Variants in NELL1 observed in about 807,000 individuals in gnomAD.
NELL1 encodes the protein neural EGFL like 1.
In NELL1, 76 loss-of-function variants were observed where a neutral mutation model predicts 107.4. That is an observed-to-expected ratio of 0.71 (90% CI 0.59 to 0.86). NELL1 has a LOEUF of 0.86. Ranked by LOEUF, NELL1 falls within the 40% of genes least tolerant of loss-of-function variation. NELL1 has a pLI of 0.00. For synonymous variants in NELL1, 353 were observed against 341.2 expected (o/e 1.03, Z -0.38); for missense variants, 1,024 against 1,005.5 (o/e 1.02, Z -0.25).
intron 14 of NELL1, among the ~76,000 whole-genome samples, chr11:21,244,139 A>G (rs1858432054): frequency 6.6e-6 from 1 of 152,190 alleles, no homozygotes; most frequent in African/African-American, 2.4e-5. Context: ...AATGAGTAAC[A>G]TTCATTAAAC....
chr11:21,512,576 T>C (rs1855464005), intron 15 of NELL1, among the ~76,000 whole-genome samples: 1 of 152,148 alleles, frequency 6.6e-6, no homozygotes, highest in Admixed American at 6.6e-5. Flanking sequence ...AATTCAACTT[T>C]GTGCCCCTAG....
chr11:21,215,014 G>T (rs1036024770), intron 13 of NELL1, among the ~76,000 whole-genome samples: 2 of 152,068 alleles, frequency 1.3e-5, no homozygotes, highest in Non-Finnish European at 2.9e-5. Context: ...TGTACTATAG[G>T]TATATAGGAT....
At chr11:21,268,605 T>C (rs550697294) in intron 14 of NELL1, among the ~76,000 whole-genome samples, 1 of 152,230 alleles carries the variant, frequency 6.6e-6, no homozygotes, top group African/African-American at 2.4e-5. Context: ...ACTTGTGAAA[T>C]TCATAGTTCA....
intron 13 of NELL1, among the ~76,000 whole-genome samples, chr11:21,204,264 GT>G (rs1857339291): frequency 6.6e-6 from 1 of 151,920 alleles, no homozygotes; most frequent in Non-Finnish European, 1.5e-5. Flanking sequence ...TGTAGATTTA[GT>G]TTTTTCACAC....
chr11:21,415,355 G>A (rs2133815295), intron 15 of NELL1, among the ~76,000 whole-genome samples: 1 of 152,180 alleles, frequency 6.6e-6, no homozygotes, highest in Admixed American at 6.5e-5. Context: ...TAGTGATTTA[G>A]GCAGGGTAGG....
At chr11:21,497,818 C>G (rs1376661088) in intron 15 of NELL1, among the ~76,000 whole-genome samples, 2 of 151,886 alleles carry the variant, frequency 1.3e-5, no homozygotes, top group Non-Finnish European at 1.5e-5. Context: ...AGTATTCACT[C>G]TTTGTAATTA....
intron 14 of NELL1, among the ~76,000 whole-genome samples, chr11:21,350,988 G>T (rs1429619958): frequency 6.6e-6 from 1 of 151,986 alleles, no homozygotes; most frequent in African/African-American, 2.4e-5. Context: ...GTATCATCTT[G>T]GATTTAGCAT....
intron 15 of NELL1, among the ~76,000 whole-genome samples, chr11:21,527,101 C>T (rs919486689): frequency 1.3e-5 from 2 of 152,180 alleles, no homozygotes; most frequent in African/African-American, 4.8e-5. Context: ...ATTTCTTCCA[C>T]CAGATACCCT....
intron 15 of NELL1, among the ~76,000 whole-genome samples, chr11:21,431,451 A>G (rs1271422588): frequency 6.6e-6 from 1 of 152,214 alleles, no homozygotes; most frequent in Non-Finnish European, 1.5e-5. Context: ...AGTACCTTGA[A>G]TAATGTCTAG....
At chr11:21,513,706 T>C (rs1014956792) in intron 15 of NELL1, among the ~76,000 whole-genome samples, 2 of 152,200 alleles carry the variant, frequency 1.3e-5, no homozygotes, top group African/African-American at 4.8e-5. Context: ...AAACCAATAA[T>C]CAACTTCCAG....
At chr11:21,315,943 T>C (rs942775337) in intron 14 of NELL1, among the ~76,000 whole-genome samples, 4 of 151,960 alleles carry the variant, frequency 2.6e-5, no homozygotes, top group Admixed American at 2.6e-4. Context: ...GGCTATGGAG[T>C]GTTTTAAAAG....
intron 2 of NELL1, among the ~76,000 whole-genome samples, chr11:20,751,283 G>A (rs530906904): frequency 2.0e-5 from 3 of 151,572 alleles, no homozygotes; most frequent in Non-Finnish European, 2.9e-5. Flanking sequence ...TTTTGATTTG[G>A]ATTGCATTAA....
chr11:21,298,456 T>C (rs1332935809), intron 14 of NELL1, among the ~76,000 whole-genome samples: 3 of 152,026 alleles, frequency 2.0e-5, no homozygotes, highest in African/African-American at 7.2e-5. Context: ...CAGAGTGAGC[T>C]CACCTCTCTG....
chr11:21,358,565 ATTT>A (rs75578174), intron 14 of NELL1, among the ~76,000 whole-genome samples: 989 of 97,690 alleles, frequency 0.01, 20 homozygotes, highest in African/African-American at 0.034. Context: ...TGCCCTGATA[ATTT>A]TTTTTTTTTT....
intron 5 of NELL1, among the ~76,000 whole-genome samples, chr11:20,889,769 C>G (rs900537936): frequency 1.3e-5 from 2 of 152,128 alleles, no homozygotes. Flanking sequence ...GAGAGCCACA[C>G]GGGAAAGGGG....
At chr11:20,778,743 A>T (rs868331161) in intron 2 of NELL1, among the ~76,000 whole-genome samples, 1 of 152,102 alleles carries the variant, frequency 6.6e-6, no homozygotes, top group Non-Finnish European at 1.5e-5. Context: ...AACTACCTTT[A>T]TGCAATGGTA....
At position 20,736,680 on chromosome 11, in the gene NELL1, T is replaced by C. The variant is rs1253522433; in HGVS notation, c.185-47000T>C. 2.0e-5 allele frequency among the ~76,000 whole-genome samples: 3 copies of C among 152,112 alleles called. No homozygotes were observed. In the East Asian group the frequency reaches 5.8e-4, roughly 29 times the overall value. On this transcript the variant is annotated intron_variant, in intron 2 of 19. Transcript: ENST00000357134. ...TCTTTATTTTCACCATAACAAGGGATATATTTCTAAAATGTTTAAAGGAAA... is the reference window on the plus strand; with the variant it reads ...TCTTTATTTTCACCATAACAAGGGACATATTTCTAAAATGTTTAAAGGAAA...
intron 4 of NELL1, among the ~76,000 whole-genome samples, chr11:20,848,014 T>TA (rs1848732231): frequency 6.6e-6 from 1 of 152,168 alleles, no homozygotes; most frequent in African/African-American, 2.4e-5. Flanking sequence ...TGGGAAATAG[T>TA]AAGTGCACCT....
intron 14 of NELL1, among the ~76,000 whole-genome samples, chr11:21,297,633 T>G (rs1212050779): frequency 1.3e-5 from 2 of 152,196 alleles, no homozygotes; most frequent in East Asian, 3.9e-4. Context: ...TTGTCTTCCA[T>G]TGAATACTTG....
Sources: gnomAD v4.1 joint callset for allele counts (sites outside exome capture counted in the v4.1 genomes callset) on GRCh38, gnomAD v4.1.1 for gene constraint, MANE v1.5 for transcripts, NCBI Gene and HGNC (gene_info 2026-07-23, HGNC 2026-07-21) for gene names.